Variants in IL19 observed in about 807,000 individuals in gnomAD.
IL19 encodes interleukin 19.
IL19 carries 15 observed loss-of-function variants against 19.5 expected under a neutral mutation model. The ratio of observed to expected loss-of-function variants is 0.77; its 90% CI spans 0.52 to 1.19. The LOEUF is 1.19. Ranked by LOEUF, IL19 falls within the 50% of genes most tolerant of loss-of-function variation. The probability of loss-of-function intolerance (pLI) is 0.00; values close to 1 mark genes in which losing one functional copy is unlikely to be tolerated. For synonymous variants in IL19, 78 were observed against 78.3 expected (o/e 1.00, Z 0.02); for missense variants, 199 against 213.1 (o/e 0.93, Z 0.41).
chr1:206,775,749 C>T (rs1674976963), intron 1 of IL19, among the ~76,000 whole-genome samples: 1 of 152,210 alleles, frequency 6.6e-6, no homozygotes, highest in Non-Finnish European at 1.5e-5. Context: ...ATGTCTGAGA[C>T]ATGAATGCCA....
intron 4 of IL19, among the ~76,000 whole-genome samples, chr1:206,839,289 C>T (rs1258731671): frequency 2.6e-5 from 4 of 152,220 alleles, no homozygotes; most frequent in African/African-American, 9.6e-5. Flanking sequence ...TTTAAAAGGA[C>T]AGACTACAGG....
At chr1:206,811,864 A>G (rs1676022310) in intron 2 of IL19, among the ~76,000 whole-genome samples, 1 of 152,232 alleles carries the variant, frequency 6.6e-6, no homozygotes, top group Admixed American at 6.5e-5. Context: ...TGCAGGAGAT[A>G]TGAATTCTGA....
In IL19 at chr1:206,774,544, G is replaced by T. The variant is rs145782864; in HGVS notation, c.-149+3466G>T. Among the ~76,000 whole-genome samples, 66 of 152,250 alleles carry T rather than the reference G, an allele frequency of 4.3e-4. No homozygotes were observed. The East Asian group carries it at 0.01, about 23-fold the overall frequency. On this transcript the variant is annotated intron_variant, in intron 1 of 6. Transcript: ENST00000659997. ...GAAGTGGACTCAGCATGGGCACCAG[G>T]CAGGCCAGGGGTTCTGGACTCTGGG...
At chr1:206,810,307 G>A (rs892074259) in intron 2 of IL19, among the ~76,000 whole-genome samples, 1 of 152,178 alleles carries the variant, frequency 6.6e-6, no homozygotes, top group African/African-American at 2.4e-5. Flanking sequence ...TTGGTTGGCT[G>A]ACTAAACCTT....
intron 1 of IL19, among the ~76,000 whole-genome samples, chr1:206,772,700 A>G (rs925219813): frequency 1.3e-5 from 2 of 152,150 alleles, no homozygotes; most frequent in Admixed American, 6.5e-5. Flanking sequence ...CATTACAGCT[A>G]TTTTTAGGAT....
chr1:206,842,332 T>C (rs189918079), intron 6 of IL19, among the ~76,000 whole-genome samples, 195 bp from the exon 7 acceptor site: 3 of 152,322 alleles, frequency 2.0e-5, no homozygotes, highest in African/African-American at 7.2e-5. Context: ...ATAATTTAAC[T>C]ACTTGTTTGT....
At chr1:206,772,086 T>C (rs1030672713) in intron 1 of IL19, among the ~76,000 whole-genome samples, 2 of 152,220 alleles carry the variant, frequency 1.3e-5, no homozygotes, top group Non-Finnish European at 2.9e-5. Flanking sequence ...TACTGTATCA[T>C]CTGGCTTAGC....
chr1:206,801,466 C>G (rs1675707161), intron 2 of IL19, among the ~76,000 whole-genome samples: 1 of 152,264 alleles, frequency 6.6e-6, no homozygotes, highest in Non-Finnish European at 1.5e-5. Flanking sequence ...TGTGCCCTCC[C>G]CATTCCTGGT....
In IL19 at chr1:206,798,849, T is replaced by G; in HGVS notation, c.-148-12T>G. 3.6e-6 allele frequency: 5 copies of G among 1,384,780 alleles called. No homozygotes were observed. Among genetic ancestry groups the G allele is most frequent in the Non-Finnish European group, 5.1e-6 (5 of 983,740 alleles). The allele number at this position is 1,384,780 out of a possible 1,614,324, so 85.8% of individuals were successfully genotyped here. ...TTTTTGTAATGATGACTCTCTATGA[T>G]TTTCTCCATAGAGCGGTGCTTGCAC... On this transcript the variant is annotated splice_polypyrimidine_tract_variant and intron_variant, in intron 1 of 6. Transcript: ENST00000659997.
chr1:206,784,413 C>T (rs1675216455), intron 1 of IL19, among the ~76,000 whole-genome samples: 1 of 152,078 alleles, frequency 6.6e-6, no homozygotes, highest in African/African-American at 2.4e-5. Context: ...AAGACCAGGC[C>T]CTGTCAGCCT....
At chr1:206,833,794 C>A (rs751527425) in intron 2 of IL19, 9 of 985,388 alleles carry the variant, frequency 9.1e-6, no homozygotes, top group Admixed American at 6.2e-5. Flanking sequence ...AGATGATGTG[C>A]AAAGAAATCC....
intron 2 of IL19, among the ~76,000 whole-genome samples, chr1:206,799,504 C>T (rs1042185620): frequency 6.6e-6 from 1 of 152,222 alleles, no homozygotes; most frequent in Admixed American, 6.5e-5. Flanking sequence ...GCTTCTCGCT[C>T]TCTGAGGCCA....
intron 3 of IL19, 42 bp downstream of exon 3, chr1:206,836,848 C>A: frequency 6.2e-7 from 1 of 1,611,524 alleles, no homozygotes; most frequent in Non-Finnish European, 8.5e-7. Context: ...ACGGAGTATC[C>A]CTCCCCTTAC....
At chr1:206,831,535 G>T (rs1419032951) in intron 2 of IL19, among the ~76,000 whole-genome samples, 1 of 152,102 alleles carries the variant, frequency 6.6e-6, no homozygotes, top group Non-Finnish European at 1.5e-5. Flanking sequence ...ATTTCTTATT[G>T]TTCCCCCTTC....
chr1:206,771,564 A>G, intron 1 of IL19: 1 of 705,484 alleles, frequency 1.4e-6, no homozygotes. Flanking sequence ...TTAAAAACAG[A>G]GGATTCAACA....
At chr1:206,841,918 C>T (rs1341481940) in intron 6 of IL19, among the ~76,000 whole-genome samples, 4 of 152,134 alleles carry the variant, frequency 2.6e-5, no homozygotes, top group Non-Finnish European at 5.9e-5. Flanking sequence ...TGCAACTGCA[C>T]GGCAGAGGTA....
intron 1 of IL19, among the ~76,000 whole-genome samples, chr1:206,781,974 ATATATACATATATATGTATAT>A (rs1675154047): frequency 4.8e-5 from 3 of 62,710 alleles, no homozygotes; most frequent in Admixed American, 2.3e-4. Context: ...TGTATATGTT[ATATATACATATATATGTATAT>A]GTTATATATA....
chr1:206,781,414 C>CAAAAAAAAAAAAAAA (rs57060549), intron 1 of IL19, among the ~76,000 whole-genome samples: 4 of 43,026 alleles, frequency 9.3e-5, no homozygotes, highest in Middle Eastern at 0.016. Flanking sequence ...GACTCTGTCT[C>CAAAAAAAAAAAAAAA]AAAAAAAAAA....
chr1:206,777,719 T>C (rs1159951428), intron 1 of IL19, among the ~76,000 whole-genome samples: 1 of 152,258 alleles, frequency 6.6e-6, no homozygotes, highest in South Asian at 2.1e-4. Context: ...ACAACTGTCC[T>C]GATGAAGAAG....
Sources: allele counts gnomAD v4.1 joint callset (sites outside exome capture counted in the v4.1 genomes callset), GRCh38; gene constraint gnomAD v4.1.1; transcripts MANE v1.5; gene names NCBI Gene and HGNC (gene_info 2026-07-23, HGNC 2026-07-21).